Variants in DNAH14 observed in about 807,000 individuals in gnomAD.
DNAH14 encodes axonemal beta dynein heavy chain 14.
A neutral mutation model predicts 520.9 loss-of-function variants in DNAH14; 478 were observed. That is an observed-to-expected ratio of 0.92 (90% CI 0.85 to 0.99). The LOEUF (loss-of-function observed/expected upper bound fraction) is 0.99. DNAH14 is among the 50% of genes least tolerant of loss of function. The probability of loss-of-function intolerance (pLI) is 0.00; values close to 1 mark genes in which losing one functional copy is unlikely to be tolerated. For synonymous variants in DNAH14, 1,581 were observed against 1,757.2 expected (o/e 0.90, Z 2.51); for missense variants, 4,831 against 5,234.5 (o/e 0.92, Z 2.38).
At position 225,255,002 on chromosome 1, in the gene DNAH14, A is replaced by G. The variant is rs370984989; in HGVS notation, c.6865+2585A>G. On this transcript the variant is annotated intron_variant, in intron 44 of 85. Coordinates refer to ENST00000682510, the MANE Select transcript of DNAH14 (RefSeq NM_001367479.1). Reference sequence around the variant, plus strand: ...TGCACAGGGAACTAACTGAAAGGGGAAAAAAAATGAGGCTCTCTCTTCTGG... The same window carrying G: ...TGCACAGGGAACTAACTGAAAGGGGGAAAAAAATGAGGCTCTCTCTTCTGG... Among the ~76,000 whole-genome samples the G allele has an allele frequency of 6.4e-4, 97 of 152,108 alleles. 1 individual carries two copies. Among genetic ancestry groups the G allele is most frequent in the South Asian group, 6.2e-3 (30 of 4,820 alleles).
intron 17 of DNAH14, among the ~76,000 whole-genome samples, chr1:225,057,316 T>C (rs1419532901): frequency 2.6e-5 from 4 of 152,232 alleles, no homozygotes; most frequent in African/African-American, 7.2e-5. Flanking sequence ...AGTTCGCTCA[T>C]GATTTGGCTC....
intron 65 of DNAH14, among the ~76,000 whole-genome samples, chr1:225,332,187 A>G (rs1388576892): frequency 6.6e-6 from 1 of 152,192 alleles, no homozygotes; most frequent in African/African-American, 2.4e-5. Context: ...CACCTCAGCT[A>G]TCTCAAGGGA....
chr1:224,938,258 A>G (rs1471269092), intron 1 of DNAH14, among the ~76,000 whole-genome samples: 2 of 152,198 alleles, frequency 1.3e-5, no homozygotes, highest in East Asian at 1.9e-4. Flanking sequence ...TGAATAGACA[A>G]TCTACAGAAA....
chr1:225,042,602 T>C (rs1004367988), intron 12 of DNAH14, among the ~76,000 whole-genome samples: 3 of 152,224 alleles, frequency 2.0e-5, no homozygotes, highest in African/African-American at 7.2e-5. Flanking sequence ...AATGATATAC[T>C]GACTCTGGCA....
rs949222292 is a variant in DNAH14, at chr1:225,398,537, C to T, written c.13509C>T (p.His4503=). The stretch of plus-strand genomic sequence containing the variant: ...CATCTTAGGGCTCAGCTTCCTCTCA[C>T]ACTGGAGTTTACATTTTTGGTTTAT... The part of the protein sequence containing the change: ...RRAFKGSASS[H]TGVYIFGLFI... Residue 4503 remains histidine (H), a synonymous_variant, in exon 85 of 86, where the codon CAC becomes CAT. Transcript: ENST00000682510. 8 of 1,551,626 alleles carry T rather than the reference C, an allele frequency of 5.2e-6. No homozygotes were observed. Among genetic ancestry groups the T allele is most frequent in the African/African-American group, 1.4e-5 (1 of 73,048 alleles).
In DNAH14 at chr1:224,936,279, T is replaced by C. The variant is rs539335216; in HGVS notation, c.-34+6444T>C. 4.0e-5 allele frequency among the ~76,000 whole-genome samples: 6 copies of C among 151,434 alleles called. No individual in the cohort carries two copies. In the South Asian group the frequency reaches 1.3e-3, roughly 32 times the overall value. ...ATCAATGAAATGAAAAACTGATCAT[T>C]TGAAAAGAAACAAAATTGATAACTG... On this transcript the variant is annotated intron_variant, in intron 1 of 85. Transcript: ENST00000682510.
Position 225,140,725 on chromosome 1 carries a change from A to T in DNAH14, c.4255-43A>T, listed in dbSNP as rs114315540. The T allele has an allele frequency of 9.9e-4, 1,288 of 1,305,010 alleles. 8 individuals carry two copies. The African/African-American group carries it at 0.017, about 17-fold the overall frequency. The allele number at this position is 1,305,010 out of a possible 1,614,324, so 80.8% of individuals were successfully genotyped here. ...TAAAATTTATGCTTCAATTATATAT[A>T]TATAGAGAGAGATATATATATAACA... On this transcript the variant is annotated intron_variant, in intron 27 of 85. Coordinates refer to ENST00000682510, the MANE Select transcript of DNAH14 (RefSeq NM_001367479.1).
chr1:224,936,105 GA>G, intron 1 of DNAH14, among the ~76,000 whole-genome samples: 1 of 151,506 alleles, frequency 6.6e-6, no homozygotes, highest in South Asian at 2.1e-4. Context: ...ATACCTACAT[GA>G]AAAAAAGTAG....
chr1:225,221,008 A>G (rs957255636), intron 41 of DNAH14, among the ~76,000 whole-genome samples: 1 of 152,206 alleles, frequency 6.6e-6, no homozygotes, highest in African/African-American at 2.4e-5. Context: ...CCACACATCT[A>G]CAACCAGCTG....
chr1:225,033,153 A>T (rs574372442), intron 11 of DNAH14, among the ~76,000 whole-genome samples: 2 of 152,222 alleles, frequency 1.3e-5, no homozygotes, highest in African/African-American at 4.8e-5. Context: ...ATCTTTGCCC[A>T]TTCCTGTGTC....
chr1:225,131,811 G>A lies in DNAH14; in HGVS notation c.4254+8197G>A, dbSNP rs572857258. Among the ~76,000 whole-genome samples, 20 of 152,310 alleles carry A rather than the reference G, an allele frequency of 1.3e-4. No homozygotes were observed. The South Asian group carries it at 4.1e-3, about 32-fold the overall frequency. ...AAACAAAAATTGGCAGTTCTTTTGA[G>A]AAGTGTGGTTGGAGCCAGGGGAGTG... On this transcript the variant is annotated intron_variant, in intron 27 of 85. Coordinates refer to ENST00000682510, the MANE Select transcript of DNAH14 (RefSeq NM_001367479.1).
Position 225,170,430 on chromosome 1 carries a change from CCAAG to C in DNAH14, c.5535+2406_5535+2409del, listed in dbSNP as rs557300192. On this transcript the variant is annotated intron_variant, in intron 36 of 85. Coordinates refer to ENST00000682510, the MANE Select transcript of DNAH14 (RefSeq NM_001367479.1). Reference sequence around the variant, plus strand: ...AAATAAAGGGATGGAGGGAGATCTACCAAGCAAATGGAAAACAAAAAAGGCAGGG... The same window carrying C: ...AAATAAAGGGATGGAGGGAGATCTACCAAATGGAAAACAAAAAAGGCAGGG... 5.0e-3 allele frequency among the ~76,000 whole-genome samples: 762 copies of C among 152,062 alleles called. 6 individuals carry two copies. The highest frequency in any genetic ancestry group is 0.017 in the African/African-American group (719 of 41,472).
chr1:225,349,355 A>G (rs1277749100), intron 71 of DNAH14, among the ~76,000 whole-genome samples: 2 of 152,308 alleles, frequency 1.3e-5, no homozygotes, highest in South Asian at 2.1e-4. Context: ...CACCACAAAG[A>G]TCAATAAAAT....
intron 41 of DNAH14, among the ~76,000 whole-genome samples, chr1:225,208,492 A>T (rs183466719): frequency 1.6e-4 from 25 of 152,304 alleles, no homozygotes; most frequent in African/African-American, 5.8e-4. Flanking sequence ...TACAACAAAT[A>T]TGTTTCTATA....
chr1:224,969,256 G>A (rs1480597585), intron 7 of DNAH14: 1 of 186,160 alleles, frequency 5.4e-6, no homozygotes. Flanking sequence ...TTATGGTCAA[G>A]CAAACTTAAA....
chr1:225,359,561 T>G (rs561718345), intron 74 of DNAH14, among the ~76,000 whole-genome samples: 13 of 152,340 alleles, frequency 8.5e-5, no homozygotes, highest in African/African-American at 2.4e-4. Flanking sequence ...GTCTTTAGAA[T>G]TCATCATTTC....
At chr1:225,185,255 A>G (rs1265571888) in intron 36 of DNAH14, 36 bp from the exon 37 acceptor site, 2 of 1,532,108 alleles carry the variant, frequency 1.3e-6, no homozygotes, top group Non-Finnish European at 1.8e-6. Flanking sequence ...ACTTAAAATC[A>G]TTAATGAATG....
intron 85 of DNAH14, 58 bp downstream of exon 85, chr1:225,398,724 T>C (rs1005916314): frequency 7.9e-6 from 12 of 1,527,878 alleles, no homozygotes; most frequent in Middle Eastern, 1.7e-4. Context: ...TTCAGTAATA[T>C]ACAAACCACT....
intron 66 of DNAH14, among the ~76,000 whole-genome samples, chr1:225,336,371 A>G (rs2095055056): frequency 6.6e-6 from 1 of 152,090 alleles, no homozygotes; most frequent in Admixed American, 6.6e-5. Context: ...GGATTACTAG[A>G]CTTAAGCTCA....
Sources: allele counts gnomAD v4.1 joint callset (sites outside exome capture counted in the v4.1 genomes callset), GRCh38; gene constraint gnomAD v4.1.1; transcripts MANE v1.5; gene names NCBI Gene and HGNC (gene_info 2026-07-23, HGNC 2026-07-21).